Variants in ALDH8A1 observed in about 807,000 individuals in gnomAD.
ALDH8A1 encodes 2-aminomuconic semialdehyde dehydrogenase.
In ALDH8A1, 39 loss-of-function variants were observed where a neutral mutation model predicts 43.3. The ratio of observed to expected loss-of-function variants is 0.90; its 90% CI spans 0.70 to 1.18. ALDH8A1 has a LOEUF of 1.18. Among genes scored for constraint, ALDH8A1 ranks in the 50% most tolerant of loss-of-function variants. The pLI is 0.00. For missense variants in ALDH8A1, 605 were observed against 622.6 expected (o/e 0.97, Z 0.30); for synonymous variants, 233 against 243.5 (o/e 0.96, Z 0.40).
chr6:134,922,388 C>CT lies in ALDH8A1; in HGVS notation c.1012-3522dup, dbSNP rs374713593. The stretch of plus-strand genomic sequence containing the variant: ...TTCAACAGTGAATAACCTTGAATAA[C>CT]TTTTTTTTTCTTTTTTTGAGACAGA... On this transcript the variant is annotated intron_variant, in intron 6 of 6. Transcript: ENST00000265605. 2.5e-3 allele frequency among the ~76,000 whole-genome samples: 376 copies of CT among 151,740 alleles called. 1 individual carries two copies. Among genetic ancestry groups the CT allele is most frequent in the African/African-American group, 8.5e-3 (353 of 41,404 alleles).
chr6:134,923,712 G>A (rs1398483533), intron 6 of ALDH8A1, among the ~76,000 whole-genome samples: 1 of 152,132 alleles, frequency 6.6e-6, no homozygotes, highest in Non-Finnish European at 1.5e-5. Context: ...AAGTGGTTTA[G>A]ATCTATTAGA....
At position 134,939,654 on chromosome 6, in the gene ALDH8A1, C is replaced by A. The variant is rs9494124; in HGVS notation, c.443-239G>T. On this transcript the variant is annotated intron_variant, in intron 3 of 6. Transcript: ENST00000265605. Reference sequence around the variant, plus strand: ...TCAATATGATTTCCCCATTTCTTGGCAGTTCATGATTATGAACAACAGCAA... The same window carrying A: ...TCAATATGATTTCCCCATTTCTTGGAAGTTCATGATTATGAACAACAGCAA... Among the ~76,000 whole-genome samples the A allele has an allele frequency of 3.7e-3, 564 of 152,324 alleles. 3 individuals carry two copies. The highest frequency in any genetic ancestry group is 0.013 in the African/African-American group (543 of 41,556).
intron 3 of ALDH8A1, chr6:134,942,146 G>A (rs370648286): frequency 8.1e-5 from 19 of 235,316 alleles, no homozygotes; most frequent in Admixed American, 1.7e-4. Context: ...CTAGAATCCG[G>A]GAAGCAGAGG....
chr6:134,946,461 A>G (rs1773950943), intron 1 of ALDH8A1, among the ~76,000 whole-genome samples: 1 of 152,270 alleles, frequency 6.6e-6, no homozygotes, highest in South Asian at 2.1e-4. Context: ...TCCATGTAAT[A>G]TAGAATACAT....
intron 5 of ALDH8A1, 26 bp from the exon 6 acceptor site, chr6:134,929,241 G>T: frequency 6.2e-7 from 1 of 1,609,388 alleles, no homozygotes; most frequent in Non-Finnish European, 8.5e-7. Flanking sequence ...ACAGGGATAA[G>T]GCTGCGGACA....
rs79658129 is a variant in ALDH8A1, at chr6:134,937,992, C to G, written c.592+1274G>C. Among the ~76,000 whole-genome samples the G allele has an allele frequency of 2.8e-3, 428 of 152,274 alleles. 3 individuals carry two copies. The highest frequency in any genetic ancestry group is 9.8e-3 in the African/African-American group (406 of 41,550). ...TTCCCTAAACAGCCTCAGTTTTGAGCCTTCATCTTCCTCGTGGAGTAAAGA... is the reference window on the plus strand; with the variant it reads ...TTCCCTAAACAGCCTCAGTTTTGAGGCTTCATCTTCCTCGTGGAGTAAAGA... On this transcript the variant is annotated intron_variant, in intron 4 of 6. Transcript: ENST00000265605.
At chr6:134,949,680 AG>A (rs1304537500) in intron 1 of ALDH8A1, among the ~76,000 whole-genome samples, 1 of 152,204 alleles carries the variant, frequency 6.6e-6, no homozygotes, top group Non-Finnish European at 1.5e-5. Context: ...AACTGCACAC[AG>A]GGCTGTGTTA....
rs1409372268 is a variant in ALDH8A1, at chr6:134,922,599, G to A, written c.1012-3732C>T. On this transcript the variant is annotated intron_variant, in intron 6 of 6. Coordinates refer to ENST00000265605, the MANE Select transcript of ALDH8A1 (RefSeq NM_022568.4). ...GATGGGGTTTCACCACGTTGGCCAG[G>A]CTGGTCTCAAACTCCTGACCTAAAG... Among the ~76,000 whole-genome samples the A allele has an allele frequency of 5.3e-5, 8 of 152,076 alleles. No individual in the cohort carries two copies. In the East Asian group the frequency reaches 1.6e-3, roughly 30 times the overall value.
At chr6:134,946,555 C>A (rs193265026) in intron 1 of ALDH8A1, among the ~76,000 whole-genome samples, 9 of 152,292 alleles carry the variant, frequency 5.9e-5, no homozygotes, top group Admixed American at 5.9e-4. Flanking sequence ...GGGCTTTAAG[C>A]ATATTAGTCA....
intron 6 of ALDH8A1, among the ~76,000 whole-genome samples, chr6:134,920,517 A>T (rs900571766): frequency 2.6e-5 from 4 of 152,188 alleles, no homozygotes; most frequent in Non-Finnish European, 4.4e-5. Context: ...CCCCACGAGG[A>T]GTACCTGGCT....
At position 134,935,414 on chromosome 6, in the gene ALDH8A1, A is replaced by G. The variant is rs527738176; in HGVS notation, c.593-2382T>C. ...CAAAGCTGACAGGTTAATGACTGTT[A>G]AGTAAATGAATGAGTGAATGAATGC... is the stretch of plus-strand genomic sequence containing the variant. On this transcript the variant is annotated intron_variant, in intron 4 of 6. Transcript: ENST00000265605. 2.0e-5 allele frequency among the ~76,000 whole-genome samples: 3 copies of G among 152,376 alleles called. No homozygotes were observed. In the East Asian group the frequency reaches 5.8e-4, roughly 29 times the overall value.
chr6:134,922,453 T>C (rs945965902), intron 6 of ALDH8A1, among the ~76,000 whole-genome samples: 1 of 151,782 alleles, frequency 6.6e-6, no homozygotes, highest in Non-Finnish European at 1.5e-5. Context: ...AATGGTGTGA[T>C]CTCGGCTCAC....
rs762993809 is a variant in ALDH8A1, at chr6:134,943,946, G to A, written c.159C>T (p.Ala53=). Residue 53 remains alanine, a synonymous_variant, in exon 2 of 7, where the codon GCC becomes GCT. Transcript: ENST00000265605. ...GKDEIEAAVK[A]AREAFPSWSS... is the part of the protein sequence containing the mutation. ...ACCAGCTGGGAAAGGCTTCTCTGGC[G>A]GCCTTGACCGCGGCTTCGATCTTTG... 3.1e-6 allele frequency: 5 copies of A among 1,614,070 alleles called. No homozygotes were observed. Among genetic ancestry groups the A allele is most frequent in the Non-Finnish European group, 4.2e-6 (5 of 1,179,960 alleles).
At position 134,929,148 on chromosome 6, in the gene ALDH8A1, C is replaced by G. The variant is rs1399308521; in HGVS notation, c.917G>C (p.Arg306Thr). The change falls in exon 6 of 7, where the codon AGA becomes ACA. Residue 306 changes from arginine to threonine, a missense_variant. Physicochemically the swap from Arg to Thr is moderately conservative, Grantham distance 71 (BLOSUM62 -1). Transcript: ENST00000265605. ...CCACTTTCTGGTAGCTTCTACAAAT[C>G]TCTTTAAAAATTCACTATAGATGCT... The part of the protein sequence containing the change: ...QKSIYSEFLK[R>T]FVEATRKWKV... 1 of 1,614,156 alleles carries G rather than the reference C, an allele frequency of 6.2e-7. No individual in the cohort carries two copies. The highest frequency in any genetic ancestry group is 8.5e-7 in the Non-Finnish European group (1 of 1,180,024).
rs750596073 is a variant in ALDH8A1 at position 134,949,165 on chromosome 6, T to C, written c.138+751A>G. Among the ~76,000 whole-genome samples the C allele has an allele frequency of 2.6e-5, 4 of 152,204 alleles. 1 individual carries two copies. The highest frequency in any genetic ancestry group is 2.0e-4 in the Admixed American group (3 of 15,278). ...CTTAAAAAGAATAAATTATAATTCA[T>C]AAGGCATTAGATGACTATATATACA... On this transcript the variant is annotated intron_variant, in intron 1 of 6. Coordinates refer to ENST00000265605, the MANE Select transcript of ALDH8A1 (RefSeq NM_022568.4).
chr6:134,941,855 A>C (rs1773861011), intron 3 of ALDH8A1, among the ~76,000 whole-genome samples: 2 of 152,082 alleles, frequency 1.3e-5, no homozygotes, highest in South Asian at 4.1e-4. Context: ...AAGTAGAAAA[A>C]AAAATCCTGG....
At chr6:134,919,563 G>A (rs1776762400) in intron 6 of ALDH8A1, among the ~76,000 whole-genome samples, 1 of 152,132 alleles carries the variant, frequency 6.6e-6, no homozygotes, top group Non-Finnish European at 1.5e-5. Context: ...AACAATGGTT[G>A]TAGAAATAGC....
chr6:134,932,954 ACCTCTGGGTGGGACACCAGGG>A lies in ALDH8A1; in HGVS notation c.650_670del (p.Ala217_Glu223del). 1 of 1,613,712 alleles carries A rather than the reference ACCTCTGGGTGGGACACCAGGG, an allele frequency of 6.2e-7. No individual in the cohort carries two copies. The highest frequency in any genetic ancestry group is 1.3e-5 in the African/African-American group (1 of 75,022). ...GCTCCCGGTGAAGGAGATCAGGGGC[ACCTCTGGGTGGGACACCAGGG>A]CCTCACCCACCCTGGGCCCGGTTCC... On this transcript the variant is annotated inframe_deletion, in exon 5 of 7. Coordinates refer to ENST00000265605, the MANE Select transcript of ALDH8A1 (RefSeq NM_022568.4).
rs750489723 is a variant in ALDH8A1 at position 134,943,876 on chromosome 6, C to G, written c.229G>C (p.Ala77Pro). Residue 77 changes from alanine (A) to proline (P), a missense_variant, in exon 2 of 7, where the codon GCG (alanine) becomes CCG (proline). By Grantham distance (27) the Ala-to-Pro change is conservative. Coordinates refer to ENST00000265605, the MANE Select transcript of ALDH8A1 (RefSeq NM_022568.4). ...TCCAGGGACTGCTCCAGCAAATCCG[C>G]CACCTGGTTCAGGACCCGTGAGCGC... The part of the protein sequence containing the change: ...QERSRVLNQV[A>P]DLLEQSLEEF... 1.9e-6 allele frequency: 3 copies of G among 1,614,248 alleles called. No homozygotes were observed. Among genetic ancestry groups the G allele is most frequent in the Admixed American group, 3.3e-5 (2 of 60,030 alleles).
Sources: gnomAD v4.1 joint callset for allele counts (sites outside exome capture counted in the v4.1 genomes callset) on GRCh38, gnomAD v4.1.1 for gene constraint, MANE v1.5 for transcripts, NCBI Gene and HGNC (gene_info 2026-07-23, HGNC 2026-07-21) for gene names.